ACOT11: variants seen among roughly 807,000 people sequenced by gnomAD.
ACOT11 encodes acyl-CoA thioesterase 11, also known as acyl-coenzyme A thioesterase 11.
ACOT11 carries 69 observed loss-of-function variants against 77.5 expected under a neutral mutation model. The ratio of observed to expected loss-of-function variants is 0.89; its 90% CI spans 0.73 to 1.09. ACOT11 has a LOEUF of 1.09. Ranked by LOEUF, ACOT11 falls within the 50% of genes least tolerant of loss-of-function variation. The pLI, the probability that ACOT11 is intolerant of heterozygous loss-of-function variation, is 0.00. For missense variants in ACOT11, 766 were observed against 813.7 expected, an observed-to-expected ratio of 0.94 and a Z score of 0.71; for synonymous variants, 279 against 313.0, an observed-to-expected ratio of 0.89 and a Z score of 1.15.
intron 1 of ACOT11, among the ~76,000 whole-genome samples, chr1:54,550,867 T>C (rs1653036964): frequency 6.6e-6 from 1 of 151,312 alleles, no homozygotes; most frequent in African/African-American, 2.4e-5. Flanking sequence ...AAGCTGGGTG[T>C]GGTGACCCAT....
chr1:54,594,157 C>G (rs1221066129), intron 5 of ACOT11, 118 bp downstream of exon 5: 1 of 827,354 alleles, frequency 1.2e-6, no homozygotes. Context: ...AGGGACACAG[C>G]AGGAATCCAC....
chr1:54,599,340 T>C lies in ACOT11; in HGVS notation c.809T>C (p.Phe270Ser). 1 of 1,609,130 alleles carries C rather than the reference T, an allele frequency of 6.2e-7. No individual in the cohort carries two copies. Among genetic ancestry groups the C allele is most frequent in the Non-Finnish European group, 8.5e-7 (1 of 1,178,418 alleles). ...CCTACGCTGAAGGCCATTGAAATGTTCCACTTCCGAGGCCCGTCCCAGGTC... is the reference window on the plus strand; with the variant it reads ...CCTACGCTGAAGGCCATTGAAATGTCCCACTTCCGAGGCCCGTCCCAGGTC... ...AHPTLKAIEM[F>S]HFRGPSQVGD... The change falls in exon 8 of 16, where the codon TTC becomes TCC. Residue 270 changes from phenylalanine (F) to serine (S), a missense_variant. By Grantham distance (155) the Phe-to-Ser change is radical (BLOSUM62 -2). Transcript: ENST00000343744.
intron 1 of ACOT11, among the ~76,000 whole-genome samples, chr1:54,567,399 C>G (rs1272394125): frequency 6.6e-6 from 1 of 151,928 alleles, no homozygotes; most frequent in African/African-American, 2.4e-5. Flanking sequence ...CTGCCTCAGC[C>G]TCCGGAGTAG....
At chr1:54,597,701 A>C in intron 7 of ACOT11, 1 of 443,576 alleles carries the variant, frequency 2.3e-6, no homozygotes, top group Non-Finnish European at 4.1e-6. Context: ...TTCCCTTCAC[A>C]TCAAGCCTTC....
intron 15 of ACOT11, among the ~76,000 whole-genome samples, 159 bp downstream of exon 15, chr1:54,608,227 A>C (rs1290240214): frequency 6.6e-6 from 1 of 152,058 alleles, no homozygotes. Context: ...AGGGGCTGAA[A>C]ATGATCTAAT....
downstream of ACOT11, among the ~76,000 whole-genome samples, chr1:54,615,121 C>G (rs1282108732): frequency 6.6e-6 from 1 of 152,122 alleles, no homozygotes; most frequent in Non-Finnish European, 1.5e-5. Context: ...CAGGTAAGGA[C>G]TTGGGCTTGT....
chr1:54,610,147 C>T lies in ACOT11; in HGVS notation c.*1035C>T. The T allele has an allele frequency of 7.0e-7, 1 of 1,433,272 alleles. No individual in the cohort carries two copies. The highest frequency in any genetic ancestry group is 9.1e-7 in the Non-Finnish European group (1 of 1,099,406). 88.8% of individuals were successfully genotyped at this position (1,433,272 alleles called of 1,614,324 possible). A position where few individuals can be genotyped will look rare whatever the true frequency, so the allele number is the denominator to read the frequency against. On this transcript the variant is annotated 3_prime_UTR_variant, in exon 16 of 16. Transcript: ENST00000343744. ...GAGAAACTCTTGTTTCAGCTCTTGG[C>T]CTTTACCCATGACTCAGCCTGGGGG...
At chr1:54,589,441 T>G (rs1010572035) in intron 3 of ACOT11, among the ~76,000 whole-genome samples, 4 of 151,802 alleles carry the variant, frequency 2.6e-5, no homozygotes, top group Non-Finnish European at 5.9e-5. Context: ...CCAAACTGTC[T>G]CATGAATTTG....
At chr1:54,605,323 T>G (rs1644012148) in intron 13 of ACOT11, 114 bp downstream of exon 13, 20 of 1,412,892 alleles carry the variant, frequency 1.4e-5, no homozygotes, top group Admixed American at 1.2e-4. Flanking sequence ...GGGCTGGGGG[T>G]GGGTTGGAGT....
downstream of ACOT11, among the ~76,000 whole-genome samples, chr1:54,613,763 G>A (rs1330355307): frequency 6.6e-6 from 1 of 152,070 alleles, no homozygotes; most frequent in Non-Finnish European, 1.5e-5. Context: ...ATTTATCTTG[G>A]GCCATTGATT....
At chr1:54,615,306 G>C (rs1455045868), downstream of ACOT11, among the ~76,000 whole-genome samples, 2 of 152,154 alleles carry the variant, frequency 1.3e-5, no homozygotes, top group African/African-American at 4.8e-5. Flanking sequence ...TACTTTTCAG[G>C]GTGGTGAGGA....
chr1:54,571,296 C>T (rs1190320376), intron 1 of ACOT11, among the ~76,000 whole-genome samples: 1 of 152,134 alleles, frequency 6.6e-6, no homozygotes, highest in Non-Finnish European at 1.5e-5. Flanking sequence ...TCTCTTCACC[C>T]TTCTGATTAT....
At chr1:54,630,407 G>A (rs1363418200) in intron 15 of ACOT11, among the ~76,000 whole-genome samples, 1 of 152,194 alleles carries the variant, frequency 6.6e-6, no homozygotes. Flanking sequence ...GAAGGTTGTG[G>A]GTTTACGGGA....
In ACOT11 at chr1:54,608,043, GGCGCGAGGGGGACCA is replaced by G; in HGVS notation, c.1607_1621del (p.Arg536_Gln540del). ...ACCCTCTGCTCAGGCTTCTGCCTCT[GGCGCGAGGGGGACCA>G]GCTGACCAAGGTGAGGCCGGTCCCC... On this transcript the variant is annotated inframe_deletion, in exon 15 of 16. Transcript: ENST00000343744. 1 of 1,611,812 alleles carries G rather than the reference GGCGCGAGGGGGACCA, an allele frequency of 6.2e-7. No individual in the cohort carries two copies. The highest frequency in any genetic ancestry group is 8.5e-7 in the Non-Finnish European group (1 of 1,179,318).
chr1:54,600,587 G>A (rs949407318), intron 8 of ACOT11, among the ~76,000 whole-genome samples: 12 of 152,206 alleles, frequency 7.9e-5, no homozygotes, highest in Admixed American at 7.2e-4. Context: ...GGAGGCTGAG[G>A]CACGAGAATC....
At chr1:54,589,842 C>T (rs1388994274) in intron 3 of ACOT11, among the ~76,000 whole-genome samples, 5 of 152,048 alleles carry the variant, frequency 3.3e-5, no homozygotes, top group Admixed American at 3.3e-4. Context: ...GGTTGCTTCT[C>T]TATAGGGAGG....
rs534273439 is a variant in ACOT11, at chr1:54,584,042, G to A, written c.34-613G>A. Among the ~76,000 whole-genome samples the A allele has an allele frequency of 6.6e-5, 10 of 152,222 alleles. No individual in the cohort carries two copies. Among genetic ancestry groups the A allele is most frequent in the Admixed American group, 3.3e-4 (5 of 15,294 alleles). On this transcript the variant is annotated intron_variant, in intron 1 of 15. Coordinates refer to ENST00000343744, the MANE Select transcript of ACOT11 (RefSeq NM_147161.4). This position sits in a 1 kb window ranked among gnomAD's most constrained non-coding sequence, Gnocchi z 6.3. ...AATTTTCTCAGCCAGTTTTCCAGCT[G>A]GCAGCTGTTGTACCCAGCCCTGGAT...
At chr1:54,623,219 G>A in intron 15 of ACOT11, 1 of 1,120,714 alleles carries the variant, frequency 8.9e-7, no homozygotes, top group Non-Finnish European at 1.3e-6. Context: ...GTGAGAAGTG[G>A]GGATAAGGAG....
chr1:54,636,418 T>C (rs1644330905), exon 17 of ACOT11: 1 of 152,262 alleles, frequency 6.6e-6, no homozygotes, highest in South Asian at 2.1e-4. Context: ...GTGCTTTAGA[T>C]ATGTATACAC....
Sources: gnomAD v4.1 joint callset for allele counts (sites outside exome capture counted in the v4.1 genomes callset) on GRCh38, gnomAD v4.1.1 for gene constraint, Gnocchi (gnomAD v3.1) non-coding constraint, MANE v1.5 for transcripts, NCBI Gene and HGNC (gene_info 2026-07-23, HGNC 2026-07-21) for gene names.